The following ZHX3 variants were observed in gnomAD, a reference collection of about 807,000 sequenced individuals.
The protein encoded by ZHX3 is zinc fingers and homeoboxes 3.
ZHX3 carries 20 observed loss-of-function variants against 64.5 expected under a neutral mutation model. That is an observed-to-expected ratio of 0.31 (90% CI 0.22 to 0.45). The LOEUF (loss-of-function observed/expected upper bound fraction) is 0.45, where lower values mean the gene tolerates loss of function less well. Ranked by LOEUF, ZHX3 falls within the 20% of genes least tolerant of loss-of-function variation. ZHX3 has a pLI of 1.00. For synonymous variants in ZHX3, 423 were observed against 461.6 expected (o/e 0.92, Z 1.07); for missense variants, 1,041 against 1,195.8 (o/e 0.87, Z 1.91).
intron 1 of ZHX3, among the ~76,000 whole-genome samples, chr20:41,270,163 G>C (rs1384109595): frequency 6.6e-6 from 1 of 151,414 alleles, no homozygotes; most frequent in South Asian, 2.1e-4. Flanking sequence ...AGGCCGAGAC[G>C]GGCGGATCAC....
rs1211383360 is a variant in ZHX3, at chr20:41,202,797, C to T, written c.2120G>A (p.Gly707Asp). 1 of 1,613,962 alleles carries T rather than the reference C, an allele frequency of 6.2e-7. No homozygotes were observed. The highest frequency in any genetic ancestry group is 1.1e-5 in the South Asian group (1 of 91,076). Residue 707 changes from glycine to aspartate, a missense_variant, in exon 3 of 4, where the codon GGC becomes GAC. By Grantham distance (94) the Gly-to-Asp change is moderately conservative. Transcript: ENST00000683867. This position sits in a 1 kb window ranked among gnomAD's most constrained non-coding sequence, Gnocchi z 7.0. ...ASELRVSGEN[G>D]SLEMPSSHIL... The stretch of plus-strand genomic sequence containing the variant: ...ATGGCTGCTGGGCATTTCCAGAGAG[C>T]CATTTTCACCAGAGACCCTTAGCTC...
intron 1 of ZHX3, among the ~76,000 whole-genome samples, chr20:41,285,905 T>C (rs1188160327): frequency 6.6e-6 from 1 of 152,244 alleles, no homozygotes; most frequent in African/African-American, 2.4e-5. Context: ...AGGTTTAGCA[T>C]AGTATGCCTA....
intron 2 of ZHX3, among the ~76,000 whole-genome samples, chr20:41,207,652 C>T (rs1001941588): frequency 1.3e-5 from 2 of 152,236 alleles, no homozygotes; most frequent in African/African-American, 4.8e-5. Context: ...CCAATGAGAA[C>T]AAAGACACAA....
chr20:41,289,116 C>T (rs945617049), intron 1 of ZHX3, among the ~76,000 whole-genome samples: 3 of 152,082 alleles, frequency 2.0e-5, no homozygotes, highest in African/African-American at 7.2e-5. Flanking sequence ...CTCAGCCTCT[C>T]AAATAGCTGG....
rs145106588 is a variant in ZHX3, at chr20:41,292,561, C to G, written c.-244-23478G>C. On this transcript the variant is annotated intron_variant, in intron 1 of 3. Transcript: ENST00000683867. Reference sequence around the variant, plus strand: ...AGTTCAGGTGATCACGAACTCTCTACTCTGTGTTTCTACAGAACTCACTTG... The same window carrying G: ...AGTTCAGGTGATCACGAACTCTCTAGTCTGTGTTTCTACAGAACTCACTTG... 2.6e-3 allele frequency among the ~76,000 whole-genome samples: 401 copies of G among 152,322 alleles called. 3 individuals carry two copies. Among genetic ancestry groups the G allele is most frequent in the South Asian group, 0.016 (75 of 4,826 alleles).
chr20:41,226,558 T>C lies in ZHX3; in HGVS notation c.-150-21492A>G, dbSNP rs2040285986. On this transcript the variant is annotated intron_variant, in intron 2 of 3. Transcript: ENST00000683867. The surrounding 1 kb of genome is among the most constrained non-coding windows in gnomAD (Gnocchi z 4.4). ...TTTTATTCTTTTGGGTATACACTTT[T>C]TCTTGTTTAAGCTCTCCACAATCCT... Among the ~76,000 whole-genome samples the C allele has an allele frequency of 6.6e-6, 1 of 152,144 alleles. No homozygotes were observed. The highest frequency in any genetic ancestry group is 1.5e-5 in the Non-Finnish European group (1 of 68,024).
rs80107558 is a variant in ZHX3, at chr20:41,264,777, C to T, written c.-151+4213G>A. Among the ~76,000 whole-genome samples the T allele has an allele frequency of 2.0e-4, 30 of 152,092 alleles. 1 individual carries two copies. In the East Asian group the frequency reaches 5.0e-3, roughly 25 times the overall value. On this transcript the variant is annotated intron_variant, in intron 2 of 3. Coordinates refer to ENST00000683867, the MANE Select transcript of ZHX3 (RefSeq NM_001384317.1). ...GCACACAAAGCTCACTCCGAACTTA[C>T]GCTCAAAAATTTAAAAGAATAGTAA...
Position 41,202,624 on chromosome 20 carries a change from C to T in ZHX3, c.2293G>A (p.Gly765Ser). 1 of 1,613,876 alleles carries T rather than the reference C, an allele frequency of 6.2e-7. No individual in the cohort carries two copies. The change falls in exon 3 of 4, where the codon GGC becomes AGC. Residue 765 changes from glycine (G) to serine (S), a missense_variant. Transcript: ENST00000683867. This position sits in a 1 kb window ranked among gnomAD's most constrained non-coding sequence, Gnocchi z 7.0. ...GCAGTCTTTTTGCAGCTCACTTTGC[C>T]TGGGAGCTGCTCTGCCAGTTTGTTT... is the stretch of plus-strand genomic sequence containing the variant. ...ESNKLAEQLP[G>S]KVSCKKTAQQ...
At chr20:41,190,491 G>A (rs1466266417) in intron 3 of ZHX3, among the ~76,000 whole-genome samples, 1 of 152,040 alleles carries the variant, frequency 6.6e-6, no homozygotes, top group African/African-American at 2.4e-5. Context: ...GATATGTGAG[G>A]TTTTGTTATT....
Position 41,195,769 on chromosome 20 carries a change from G to C in ZHX3, c.2860+6288C>G, listed in dbSNP as rs2037433620. Among the ~76,000 whole-genome samples, 1 of 152,140 alleles carries C rather than the reference G, an allele frequency of 6.6e-6. No homozygotes were observed. Among genetic ancestry groups the C allele is most frequent in the African/African-American group, 2.4e-5 (1 of 41,436 alleles). On this transcript the variant is annotated intron_variant, in intron 3 of 3. Transcript: ENST00000683867. The surrounding 1 kb of genome is among the most constrained non-coding windows in gnomAD (Gnocchi z 4.2). ...AGCTACAGATTTACCTCTTAGGATT[G>C]CTTTCACTATGTGTCATAAGTTCTG...
At position 41,185,309 on chromosome 20, in the gene ZHX3, C is replaced by T; in HGVS notation, c.2861-108G>A. The T allele has an allele frequency of 7.6e-7, 1 of 1,322,022 alleles. No homozygotes were observed. The highest frequency in any genetic ancestry group is 2.5e-5 in the East Asian group (1 of 40,376). The allele number at this position is 1,322,022 out of a possible 1,614,324, so 81.9% of individuals were successfully genotyped here. A position where few individuals can be genotyped will look rare whatever the true frequency, so the allele number is the denominator to read the frequency against. On this transcript the variant is annotated intron_variant, in intron 3 of 3. Coordinates refer to ENST00000683867, the MANE Select transcript of ZHX3 (RefSeq NM_001384317.1). This position sits in a 1 kb window ranked among gnomAD's most constrained non-coding sequence, Gnocchi z 5.0. ...GTGGCATCACTGGCTTTGAGGACCT[C>T]TTAATTCCATGAGCAATGAATGGCC...
rs1198395941 is a variant in ZHX3 at position 41,181,525 on chromosome 20, G to A, written c.*3666C>T. ...ACTGAAAAAGCTGCACCAATCTGAGGATATTGGTCCAAAAAGAGACAAGAG... is the reference window on the plus strand; with the variant it reads ...ACTGAAAAAGCTGCACCAATCTGAGAATATTGGTCCAAAAAGAGACAAGAG... On this transcript the variant is annotated 3_prime_UTR_variant, in exon 4 of 4. Transcript: ENST00000683867. 1 of 152,076 alleles carries A rather than the reference G, an allele frequency of 6.6e-6. No homozygotes were observed. The highest frequency in any genetic ancestry group is 2.4e-5 in the African/African-American group (1 of 41,404). The allele number at this position is 152,076 out of a possible 1,614,324, so 9.4% of individuals were successfully genotyped here. A position where few individuals can be genotyped will look rare whatever the true frequency, so the allele number is the denominator to read the frequency against.
At chr20:41,255,110 A>C in intron 2 of ZHX3, among the ~76,000 whole-genome samples, 1 of 152,112 alleles carries the variant, frequency 6.6e-6, no homozygotes, top group Non-Finnish European at 1.5e-5. Flanking sequence ...GTGGTTTGGA[A>C]GATTCATGCC....
intron 3 of ZHX3, among the ~76,000 whole-genome samples, chr20:41,188,126 T>G (rs2036679938): frequency 6.6e-6 from 1 of 152,222 alleles, no homozygotes; most frequent in African/African-American, 2.4e-5. Flanking sequence ...TCTATCTCCA[T>G]GAAATCAAGA....
At position 41,204,160 on chromosome 20, in the gene ZHX3, C is replaced by T. The variant is rs368477337; in HGVS notation, c.757G>A (p.Ala253Thr). ...SASSAKNPHA[A>T]NGPLIGTVPV... ...ACTGTTCCTATCAGGGGCCCGTTGG[C>T]GGCATGGGGGTTTTTTGCAGAGCTG... is the stretch of plus-strand genomic sequence containing the variant. Residue 253 changes from alanine to threonine, a missense_variant, in exon 3 of 4, where the codon GCC becomes ACC. This residue lies in a region of ZHX3 where 358 missense variants were observed against 369.1 expected (regional missense o/e 0.97). Transcript: ENST00000683867. This position sits in a 1 kb window ranked among gnomAD's most constrained non-coding sequence, Gnocchi z 6.6. 273 of 1,607,228 alleles carry T rather than the reference C, an allele frequency of 1.7e-4. No individual in the cohort carries two copies. The highest frequency in any genetic ancestry group is 2.1e-4 in the Non-Finnish European group (242 of 1,176,792).
At chr20:41,285,248 A>G (rs1447112486) in intron 1 of ZHX3, among the ~76,000 whole-genome samples, 1 of 152,216 alleles carries the variant, frequency 6.6e-6, no homozygotes, top group African/African-American at 2.4e-5. Context: ...AGGCATTTAC[A>G]TCAATATTGG....
At chr20:41,280,402 G>A (rs930242161) in intron 1 of ZHX3, among the ~76,000 whole-genome samples, 5 of 152,232 alleles carry the variant, frequency 3.3e-5, no homozygotes, top group Non-Finnish European at 5.9e-5. Flanking sequence ...ATAATTTAAT[G>A]TGCCCTTAAG....
In ZHX3 at chr20:41,232,747, G is replaced by A. The variant is rs986037309; in HGVS notation, c.-150-27681C>T. 4.6e-5 allele frequency among the ~76,000 whole-genome samples: 7 copies of A among 152,102 alleles called. No individual in the cohort carries two copies. The highest frequency in any genetic ancestry group is 4.2e-4 in the South Asian group (2 of 4,806). ...ACTACAGGCGCCCACCACCTCGCCC[G>A]GCTAATTTTTTGTATTTTTAGTAGA... On this transcript the variant is annotated intron_variant, in intron 2 of 3. Transcript: ENST00000683867. This position sits in a 1 kb window ranked among gnomAD's most constrained non-coding sequence, Gnocchi z 5.0.
At chr20:41,304,781 T>C (rs2044925702) in intron 1 of ZHX3, among the ~76,000 whole-genome samples, 1 of 152,222 alleles carries the variant, frequency 6.6e-6, no homozygotes, top group South Asian at 2.1e-4. Context: ...TACTCTCCTC[T>C]ATATCCCCAG....
Sources: gnomAD v4.1 joint callset for allele counts (sites outside exome capture counted in the v4.1 genomes callset) on GRCh38, gnomAD v4.1.1 for gene constraint, gnomAD v4.1.1 regional missense constraint, Gnocchi (gnomAD v3.1) non-coding constraint, MANE v1.5 for transcripts, NCBI Gene and HGNC (gene_info 2026-07-23, HGNC 2026-07-21) for gene names.